Variants in MORN1 observed in about 807,000 individuals in gnomAD.
MORN1 encodes the protein MORN repeat-containing protein 1.
A neutral mutation model predicts 61.9 loss-of-function variants in MORN1; 67 were observed. The observed-to-expected ratio is 1.08, with a 90% confidence interval of 0.89 to 1.33. MORN1 has a LOEUF of 1.33. Ranked by LOEUF, MORN1 falls within the 40% of genes most tolerant of loss-of-function variation. The pLI is 0.00. For synonymous variants in MORN1, 301 were observed against 292.0 expected, an observed-to-expected ratio of 1.03 and a Z score of -0.31; for missense variants, 752 against 691.2, an observed-to-expected ratio of 1.09 and a Z score of -0.99.
At position 2,334,790 on chromosome 1, in the gene MORN1, G is replaced by A. The variant is rs921743768; in HGVS notation, c.1250+1679C>T. Reference sequence around the variant, plus strand: ...TGGGAGGCCCAGGCTGGGAGCAGACGCCGACCCCTCCGTTCTCTCAGGTGG... The same window carrying A: ...TGGGAGGCCCAGGCTGGGAGCAGACACCGACCCCTCCGTTCTCTCAGGTGG... On this transcript the variant is annotated intron_variant, in intron 12 of 13. Coordinates refer to ENST00000378531, the MANE Select transcript of MORN1 (RefSeq NM_024848.3). This position sits in a 1 kb window ranked among gnomAD's most constrained non-coding sequence, Gnocchi z 5.4. 2.6e-5 allele frequency among the ~76,000 whole-genome samples: 4 copies of A among 152,230 alleles called. No individual in the cohort carries two copies. The highest frequency in any genetic ancestry group is 7.2e-5 in the African/African-American group (3 of 41,456).
intron 6 of MORN1, chr1:2,374,817 G>T: frequency 2.6e-6 from 1 of 391,234 alleles, no homozygotes; most frequent in Non-Finnish European, 4.6e-6. Flanking sequence ...CAACGGCACA[G>T]TATATAAAAT....
chr1:2,339,654 TCCCA>T (rs1444882185), intron 10 of MORN1, among the ~76,000 whole-genome samples: 1 of 151,948 alleles, frequency 6.6e-6, no homozygotes, highest in East Asian at 1.9e-4. Context: ...CCCCAGTGTC[TCCCA>T]CCGAGTCGCT....
At chr1:2,375,462 A>C (rs1451790122) in intron 6 of MORN1, 1 of 152,468 alleles carries the variant, frequency 6.6e-6, no homozygotes, top group Non-Finnish European at 1.5e-5. Flanking sequence ...ATCAGGGACA[A>C]GTGGATGGCG....
At position 2,381,818 on chromosome 1, in the gene MORN1, G is replaced by A. The variant is rs894914045; in HGVS notation, c.537+3160C>T. Among the ~76,000 whole-genome samples, 17 of 152,300 alleles carry A rather than the reference G, an allele frequency of 1.1e-4. No homozygotes were observed. The East Asian group carries it at 1.5e-3, about 14-fold the overall frequency. On this transcript the variant is annotated intron_variant, in intron 6 of 13. Coordinates refer to ENST00000378531, the MANE Select transcript of MORN1 (RefSeq NM_024848.3). ...TGGCCATCCCAGGCCATCCTCCCCC[G>A]TCCAAACTCATGGCTTGGGAATAAG... is the stretch of plus-strand genomic sequence containing the variant.
intron 8 of MORN1, among the ~76,000 whole-genome samples, chr1:2,370,544 G>T (rs1642092402): frequency 6.6e-6 from 1 of 152,138 alleles, no homozygotes. Context: ...TTAGGCAAAT[G>T]AAAAGATGAG....
intron 13 of MORN1, 125 bp from the exon 14 acceptor site, chr1:2,321,704 C>G: frequency 7.8e-7 from 1 of 1,276,242 alleles, no homozygotes. Flanking sequence ...TCATCTCTGC[C>G]TGGGTTCTGG....
intron 13 of MORN1, 94 bp downstream of exon 13, chr1:2,324,003 G>C: frequency 6.8e-7 from 1 of 1,465,140 alleles, no homozygotes; most frequent in Non-Finnish European, 9.0e-7. Flanking sequence ...GCCCCGGGCC[G>C]AGTTCCCCCA....
In MORN1 at chr1:2,357,785, G is replaced by T. The variant is rs1270558298; in HGVS notation, c.870-187C>A. On this transcript the variant is annotated intron_variant, in intron 9 of 13. Coordinates refer to ENST00000378531, the MANE Select transcript of MORN1 (RefSeq NM_024848.3). The surrounding 1 kb of genome is among the most constrained non-coding windows in gnomAD (Gnocchi z 6.3). ...TGAGGCCCAGAGAGAAAAAAGACTC[G>T]CCAGGGAGAAGACAGCAGGTCTTGG... 6.6e-6 allele frequency among the ~76,000 whole-genome samples: 1 copy of T among 152,140 alleles called. No individual in the cohort carries two copies. The highest frequency in any genetic ancestry group is 2.4e-5 in the African/African-American group (1 of 41,424).
At chr1:2,344,216 C>A (rs544386839) in intron 10 of MORN1, among the ~76,000 whole-genome samples, 30 of 152,288 alleles carry the variant, frequency 2.0e-4, no homozygotes, top group African/African-American at 7.0e-4. Context: ...GCCCTTCTTG[C>A]GAGAGCGGCA....
At chr1:2,385,515 C>A (rs992618349) in intron 5 of MORN1, 1 of 375,726 alleles carries the variant, frequency 2.7e-6, no homozygotes. Flanking sequence ...TGCCACTTTG[C>A]CGCCAGCCTG....
intron 3 of MORN1, 132 bp from the exon 4 acceptor site, chr1:2,387,661 T>A: frequency 1.5e-6 from 1 of 663,872 alleles, no homozygotes. Context: ...TCCATCATAC[T>A]ACTCAGTCTG....
intron 7 of MORN1, 104 bp downstream of exon 7, chr1:2,374,357 C>A: frequency 2.1e-6 from 2 of 951,904 alleles, no homozygotes; most frequent in Admixed American, 4.3e-5. Context: ...CCCCACCCCT[C>A]CCCAGTGTGC....
chr1:2,386,138 G>C lies in MORN1; in HGVS notation c.359-241C>G. 5.7e-6 allele frequency: 3 copies of C among 528,416 alleles called. No individual in the cohort carries two copies. In the South Asian group the frequency reaches 6.5e-5, roughly 11 times the overall value. 32.7% of individuals were successfully genotyped at this position (528,416 alleles called of 1,614,324 possible). A position where few individuals can be genotyped will look rare whatever the true frequency, so the allele number is the denominator to read the frequency against. ...GTGCTTTGGGACAGGTCGGTGAGCTGACAGGGCAGCAAAAATGGCCCTGGG... is the reference window on the plus strand; with the variant it reads ...GTGCTTTGGGACAGGTCGGTGAGCTCACAGGGCAGCAAAAATGGCCCTGGG... On this transcript the variant is annotated intron_variant, in intron 4 of 13. Coordinates refer to ENST00000378531, the MANE Select transcript of MORN1 (RefSeq NM_024848.3).
At position 2,357,648 on chromosome 1, in the gene MORN1, G is replaced by C. The variant is rs367700066; in HGVS notation, c.870-50C>G. 6 of 1,531,970 alleles carry C rather than the reference G, an allele frequency of 3.9e-6. No homozygotes were observed. In the African/African-American group the frequency reaches 6.9e-5, roughly 18 times the overall value. The allele number at this position is 1,531,970 out of a possible 1,614,324, so 94.9% of individuals were successfully genotyped here. ...GCTCTACTCACCCCACACCAAACTA[G>C]GGTGCAGGCAGACAGCGTGGCCCAC... On this transcript the variant is annotated intron_variant, in intron 9 of 13. Coordinates refer to ENST00000378531, the MANE Select transcript of MORN1 (RefSeq NM_024848.3). This position sits in a 1 kb window ranked among gnomAD's most constrained non-coding sequence, Gnocchi z 6.3.
intron 13 of MORN1, chr1:2,323,650 C>T: frequency 1.0e-6 from 1 of 985,284 alleles, no homozygotes; most frequent in Non-Finnish European, 1.2e-6. Context: ...CTTGCTGTCC[C>T]CACAGCAGCC....
Position 2,328,133 on chromosome 1 carries a change from G to A in MORN1, c.1251-3990C>T, listed in dbSNP as rs774128377. ...GACCCACCCCTTCGGGCCTAGGCTC[G>A]GCCTTTGCTGTCCTCAGTCTTCCAG... On this transcript the variant is annotated intron_variant, in intron 12 of 13. Transcript: ENST00000378531. 7.9e-5 allele frequency among the ~76,000 whole-genome samples: 12 copies of A among 152,364 alleles called. 1 individual carries two copies. Among genetic ancestry groups the A allele is most frequent in the Admixed American group, 3.9e-4 (6 of 15,308 alleles).
chr1:2,336,694 C>T (rs1641286849), intron 11 of MORN1, 23 bp downstream of exon 11: 1 of 1,546,568 alleles, frequency 6.5e-7, no homozygotes. Context: ...GGGGTGGCCT[C>T]CCCGCCCCCC....
At chr1:2,374,824 A>T (rs1642199618) in intron 6 of MORN1, 3 of 386,200 alleles carry the variant, frequency 7.8e-6, no homozygotes, top group Non-Finnish European at 9.4e-6. Flanking sequence ...ACAGTATATA[A>T]AATGCAAACA....
At chr1:2,339,449 T>C (rs2100261882) in intron 10 of MORN1, among the ~76,000 whole-genome samples, 1 of 152,268 alleles carries the variant, frequency 6.6e-6, no homozygotes, top group East Asian at 1.9e-4. Flanking sequence ...GTGACCGCCT[T>C]TCCCGAGGCC....
Sources: allele counts gnomAD v4.1 joint callset (sites outside exome capture counted in the v4.1 genomes callset), GRCh38; gene constraint gnomAD v4.1.1; non-coding constraint Gnocchi (gnomAD v3.1); transcripts MANE v1.5; gene names NCBI Gene and HGNC (gene_info 2026-07-23, HGNC 2026-07-21).